Variants in NASP observed in about 807,000 individuals in gnomAD.
NASP encodes nuclear autoantigenic sperm protein.
In NASP, 24 loss-of-function variants were observed where a neutral mutation model predicts 89.5. The ratio of observed to expected loss-of-function variants is 0.27; its 90% CI spans 0.19 to 0.38. The LOEUF (loss-of-function observed/expected upper bound fraction) is 0.38. Among genes scored for constraint, NASP ranks in the 10% least tolerant of loss-of-function variants. The probability of loss-of-function intolerance (pLI) is 1.00; values close to 1 mark genes in which losing one functional copy is unlikely to be tolerated. For synonymous variants in NASP, 306 were observed against 324.7 expected (o/e 0.94, Z 0.62); for missense variants, 848 against 921.4 (o/e 0.92, Z 1.03).
At chr1:45,594,099 G>A (rs1643625002) in intron 2 of NASP, among the ~76,000 whole-genome samples, 1 of 151,946 alleles carries the variant, frequency 6.6e-6, no homozygotes. Flanking sequence ...GCTGAGGTGG[G>A]TGAATCACCT....
intron 3 of NASP, 80 bp from the exon 4 acceptor site, chr1:45,604,856 C>T: frequency 9.3e-7 from 1 of 1,079,490 alleles, no homozygotes; most frequent in Non-Finnish European, 1.4e-6. Context: ...GGAGAAATAT[C>T]AATTTATAAC....
chr1:45,613,060 C>A, intron 6 of NASP, 109 bp from the exon 7 acceptor site: 2 of 1,406,378 alleles, frequency 1.4e-6, no homozygotes, highest in Non-Finnish European at 1.9e-6. Flanking sequence ...CTTGGATTAG[C>A]ATCTGGCCTG....
In NASP at chr1:45,617,416, T is replaced by C. The variant is rs375150662; in HGVS notation, c.2158-47T>C. On this transcript the variant is annotated intron_variant, in intron 13 of 14. Coordinates refer to ENST00000350030, the MANE Select transcript of NASP (RefSeq NM_002482.4). ...AGGAAATGTTTTGCAGTTGTCTTTT[T>C]AAAAACATTAAGCACATTTGTGAAG... The C allele has an allele frequency of 1.1e-5, 17 of 1,585,050 alleles. No individual in the cohort carries two copies. The East Asian group carries it at 3.6e-4, about 33-fold the overall frequency.
chr1:45,588,162 G>A (rs1307328616), intron 1 of NASP, among the ~76,000 whole-genome samples: 1 of 152,090 alleles, frequency 6.6e-6, no homozygotes, highest in Non-Finnish European at 1.5e-5. Context: ...GGAGTGCACT[G>A]GTGCGATCTA....
intron 3 of NASP, among the ~76,000 whole-genome samples, 174 bp downstream of exon 3, chr1:45,602,539 G>C (rs1643866363): frequency 6.6e-6 from 1 of 152,178 alleles, no homozygotes; most frequent in South Asian, 2.1e-4. Flanking sequence ...TCACCAAGCA[G>C]TTCCACCCTT....
At chr1:45,613,989 C>A (rs908778357) in intron 7 of NASP, 107 bp from the exon 8 acceptor site, 15 of 821,426 alleles carry the variant, frequency 1.8e-5, no homozygotes, top group Non-Finnish European at 5.8e-6. Context: ...GGGAGAAAGT[C>A]CAAATTTTGA....
chr1:45,603,255 A>G (rs929473353), intron 3 of NASP, among the ~76,000 whole-genome samples: 2 of 152,242 alleles, frequency 1.3e-5, no homozygotes, highest in Non-Finnish European at 2.9e-5. Context: ...CTTTTGGTCT[A>G]TGGCGAGGTT....
chr1:45,587,443 G>T (rs1158726369), intron 1 of NASP, among the ~76,000 whole-genome samples: 2 of 151,700 alleles, frequency 1.3e-5, no homozygotes, highest in Non-Finnish European at 2.9e-5. Flanking sequence ...ACCGTGCCCG[G>T]CTGCAGTTAT....
At chr1:45,610,499 G>C (rs1432997485) in intron 6 of NASP, 1 of 152,144 alleles carries the variant, frequency 6.6e-6, no homozygotes, top group Non-Finnish European at 1.5e-5. Context: ...AAACTTCCAA[G>C]CAGTTTTTTT....
chr1:45,618,002 TATAA>T, intron 14 of NASP, 55 bp from the exon 15 acceptor site: 2 of 1,476,762 alleles, frequency 1.4e-6, no homozygotes, highest in African/African-American at 2.8e-5. Context: ...GCCTCAGTTA[TATAA>T]GACAGAATGG....
intron 3 of NASP, among the ~76,000 whole-genome samples, chr1:45,603,225 T>C (rs1643873312): frequency 6.6e-6 from 1 of 152,150 alleles, no homozygotes; most frequent in Non-Finnish European, 1.5e-5. Flanking sequence ...AAAAAGCAAG[T>C]TAAATCGTCA....
intron 6 of NASP, 160 bp from the exon 7 acceptor site, chr1:45,613,009 C>T (rs1644041456): frequency 9.9e-7 from 1 of 1,015,070 alleles, no homozygotes. Flanking sequence ...TTGAACTAGA[C>T]TGCACCCACT....
rs1644081816 is a variant in NASP, at chr1:45,615,148, A to G, written c.1802A>G (p.Asp601Gly). ...GLAYGYNSQY[D>G]EAVAQFSKSI... ...GCTTATGGGTACAACTCTCAGTATG[A>G]TGAGGCAGTGGCACAGTTCAGCAAA... Residue 601 changes from aspartate to glycine, a missense_variant, in exon 10 of 15, where the codon GAT (aspartate) becomes GGT (glycine). Around this residue, in one of 5 missense-constraint regions of NASP, gnomAD observed 60 missense variants for 114.6 expected, o/e 0.52. Coordinates refer to ENST00000350030, the MANE Select transcript of NASP (RefSeq NM_002482.4). 6.2e-7 allele frequency: 1 copy of G among 1,614,184 alleles called. No individual in the cohort carries two copies. The highest frequency in any genetic ancestry group is 2.2e-5 in the East Asian group (1 of 44,882).
At position 45,618,138 on chromosome 1, in the gene NASP, T is replaced by A; in HGVS notation, c.2364T>A (p.Cys788Ter). ...GAGCTACAGTTGAAAGCACTGCATG[T>A]TAAGAGGGGGCACAGCCCTCCTCCC... ...EAGATVESTA[C>*] The change falls in exon 15 of 15, where the codon TGT (cysteine) becomes TGA (stop). Residue 788 changes from cysteine to a stop codon, truncating the protein, a stop_gained. Coordinates refer to ENST00000350030, the MANE Select transcript of NASP (RefSeq NM_002482.4). LOFTEE classifies it high-confidence loss of function. The A allele has an allele frequency of 3.1e-6, 5 of 1,589,848 alleles. No individual in the cohort carries two copies. Among genetic ancestry groups the A allele is most frequent in the Non-Finnish European group, 4.3e-6 (5 of 1,167,364 alleles).
intron 2 of NASP, chr1:45,594,610 G>A (rs1411656494): frequency 2.5e-6 from 1 of 404,832 alleles, no homozygotes; most frequent in Non-Finnish European, 5.1e-6. Context: ...GGGCTCAGGT[G>A]ATCCTCCTGC....
Position 45,608,024 on chromosome 1 carries a change from T to A in NASP, c.1113T>A (p.Ala371=), listed in dbSNP as rs754159920. 6.2e-7 allele frequency: 1 copy of A among 1,613,886 alleles called. No homozygotes were observed. The highest frequency in any genetic ancestry group is 8.5e-7 in the Non-Finnish European group (1 of 1,179,914). Reference sequence around the variant, plus strand: ...TCTCTGAAAAGCCTGGGCAGGAGGCTCCAGTTCTCCCTAAGGATGGTGCAG... The same window carrying A: ...TCTCTGAAAAGCCTGGGCAGGAGGCACCAGTTCTCCCTAAGGATGGTGCAG... ...SEVSEKPGQE[A]PVLPKDGAVN... Residue 371 remains alanine (A), a synonymous_variant, in exon 6 of 15, where the codon GCT becomes GCA. Transcript: ENST00000350030.
At chr1:45,614,701 G>T (rs556553334) in intron 9 of NASP, among the ~76,000 whole-genome samples, 4 of 152,212 alleles carry the variant, frequency 2.6e-5, no homozygotes, top group Non-Finnish European at 4.4e-5. Flanking sequence ...ACCACGCCCG[G>T]TTAATTTTTG....
intron 4 of NASP, chr1:45,605,749 A>G (rs7547414): frequency 0.7 from 105,091 of 149,798 alleles, 36,927 homozygotes; most frequent in Non-Finnish European, 0.71. Context: ...GGCGTGAGTC[A>G]CTGCGCCTGG....
At chr1:45,590,289 A>G (rs529437147) in intron 1 of NASP, among the ~76,000 whole-genome samples, 17 of 151,864 alleles carry the variant, frequency 1.1e-4, no homozygotes, top group Admixed American at 1.1e-3. Context: ...TCACGCCTGT[A>G]TTCCCAGCAC....
Sources: allele counts gnomAD v4.1 joint callset (sites outside exome capture counted in the v4.1 genomes callset), GRCh38; gene constraint gnomAD v4.1.1; regional missense constraint gnomAD v4.1.1; transcripts MANE v1.5; gene names NCBI Gene and HGNC (gene_info 2026-07-23, HGNC 2026-07-21).